The following TRIOBP variants were observed in gnomAD, a reference collection of about 807,000 sequenced individuals.
TRIOBP encodes TRIO and F-actin binding protein.
In TRIOBP, 169 loss-of-function variants were observed where a neutral mutation model predicts 238.8. The ratio of observed to expected loss-of-function variants is 0.71; its 90% CI spans 0.62 to 0.80. TRIOBP has a LOEUF of 0.80. Ranked by LOEUF, TRIOBP falls within the 30% of genes least tolerant of loss-of-function variation. The pLI, the probability that TRIOBP is intolerant of heterozygous loss-of-function variation, is 0.00. For synonymous variants in TRIOBP, 1,150 were observed against 1,274.4 expected (o/e 0.90, Z 2.08); for missense variants, 2,838 against 3,122.6 (o/e 0.91, Z 2.17).
chr22:37,755,361 G>A lies in TRIOBP; in HGVS notation c.5577+171G>A. On this transcript the variant is annotated intron_variant, in intron 14 of 23. Coordinates refer to ENST00000644935, the MANE Select transcript of TRIOBP (RefSeq NM_001039141.3). ...GTGATGCCAACACTTAGCATATCTG[G>A]GGGAGACGCTGGAGCCAGCAGGGCT... 12 of 918,122 alleles carry A rather than the reference G, an allele frequency of 1.3e-5. No individual in the cohort carries two copies. In the South Asian group the frequency reaches 1.6e-4, roughly 12 times the overall value. The allele number at this position is 918,122 out of a possible 1,614,324, so 56.9% of individuals were successfully genotyped here. A position where few individuals can be genotyped will look rare whatever the true frequency, so the allele number is the denominator to read the frequency against.
Position 37,725,865 on chromosome 22 carries a change from C to T in TRIOBP, c.3309C>T (p.His1103=), listed in dbSNP as rs199594270. The change falls in exon 7 of 24, where the codon CAC becomes CAT. Residue 1103 remains histidine, a synonymous_variant. Transcript: ENST00000644935. ...DAEHQCQSPQ[H]EPLQLPAPVC... ...AGCATCAGTGTCAGTCCCCCCAACACGAGCCCCTTCAGCTCCCTGCACCTG... is the reference window on the plus strand; with the variant it reads ...AGCATCAGTGTCAGTCCCCCCAACATGAGCCCCTTCAGCTCCCTGCACCTG... 1.0e-3 allele frequency: 1,687 copies of T among 1,613,136 alleles called. 2 individuals carry two copies. The highest frequency in any genetic ancestry group is 1.2e-3 in the Non-Finnish European group (1,465 of 1,179,748).
At chr22:37,709,028 C>T (rs1923095402) in intron 3 of TRIOBP, among the ~76,000 whole-genome samples, 1 of 152,210 alleles carries the variant, frequency 6.6e-6, no homozygotes, top group Non-Finnish European at 1.5e-5. Flanking sequence ...CCCTGGGTGG[C>T]CAAGGCGCCA....
At chr22:37,743,796 A>AATGTGTGTGTGT (rs1925056014) in intron 11 of TRIOBP, among the ~76,000 whole-genome samples, 1 of 114,980 alleles carries the variant, frequency 8.7e-6, no homozygotes, top group South Asian at 2.9e-4. Flanking sequence ...AGAAAGAGAG[A>AATGTGTGTGTGT]GAGAATGTGT....
At chr22:37,766,526 T>C (rs1053849357) in intron 18 of TRIOBP, among the ~76,000 whole-genome samples, 1 of 152,210 alleles carries the variant, frequency 6.6e-6, no homozygotes, top group Non-Finnish European at 1.5e-5. Context: ...AGAGACCCCT[T>C]CCCCCTCAGC....
chr22:37,736,285 C>CCTCT (rs149385642), intron 9 of TRIOBP, among the ~76,000 whole-genome samples: 3 of 151,412 alleles, frequency 2.0e-5, no homozygotes, highest in Non-Finnish European at 4.4e-5. Flanking sequence ...TGAACACCAG[C>CCTCT]CTCTCTCTCT....
At chr22:37,735,580 C>T (rs1444859404) in intron 9 of TRIOBP, 138 bp downstream of exon 9, 1 of 1,013,632 alleles carries the variant, frequency 9.9e-7, no homozygotes, top group Non-Finnish European at 1.5e-6. Context: ...TCCCTGCTGA[C>T]CACAACCCAT....
chr22:37,725,091 A>G lies in TRIOBP; in HGVS notation c.2535A>G (p.Arg845=), dbSNP rs764983150. ...KTSCTKRDNL[R]PTCTQRDRTQ... is the part of the protein sequence containing the mutation. ...CTTGTACCAAACGAGATAACCTCAGACCCACTTGTACACAGCGGGACCGCA... is the reference window on the plus strand; with the variant it reads ...CTTGTACCAAACGAGATAACCTCAGGCCCACTTGTACACAGCGGGACCGCA... Residue 845 remains arginine, a synonymous_variant, in exon 7 of 24, where the codon AGA becomes AGG. Transcript: ENST00000644935. 1 of 1,614,154 alleles carries G rather than the reference A, an allele frequency of 6.2e-7. No homozygotes were observed. The highest frequency in any genetic ancestry group is 8.5e-7 in the Non-Finnish European group (1 of 1,180,030).
chr22:37,756,637 G>A (rs945531708), intron 15 of TRIOBP, among the ~76,000 whole-genome samples: 19 of 152,202 alleles, frequency 1.2e-4, no homozygotes, highest in African/African-American at 1.7e-4. Flanking sequence ...GAACAGCCCC[G>A]AGGTATGCAG....
chr22:37,718,193 C>T (rs185987366), intron 6 of TRIOBP, among the ~76,000 whole-genome samples: 1,957 of 152,342 alleles, frequency 0.013, 15 homozygotes, highest in Non-Finnish European at 0.021. Flanking sequence ...AAGCGCCGCG[C>T]GCAGCCTCGG....
chr22:37,762,576 A>G (rs1377278935), intron 17 of TRIOBP, among the ~76,000 whole-genome samples: 2 of 152,212 alleles, frequency 1.3e-5, no homozygotes, highest in African/African-American at 4.8e-5. Context: ...TGGGTGCACC[A>G]AAGTCTGTCA....
chr22:37,751,662 A>G, intron 11 of TRIOBP, 110 bp from the exon 12 acceptor site: 1 of 1,288,936 alleles, frequency 7.8e-7, no homozygotes, highest in South Asian at 1.2e-5. Flanking sequence ...GCTTCCCAGG[A>G]GCTCGGTCCC....
At position 37,754,997 on chromosome 22, in the gene TRIOBP, G is replaced by A. The variant is rs759563843; in HGVS notation, c.5487+13G>A. ...CACTGCTGAGGAGGTGAGGCCATGG[G>A]TGTACTGATGAACCCCCGGAAGGGC... On this transcript the variant is annotated intron_variant, in intron 13 of 23. Transcript: ENST00000644935. The A allele has an allele frequency of 9.9e-6, 16 of 1,613,534 alleles. No individual in the cohort carries two copies. In the East Asian group the frequency reaches 3.3e-4, roughly 34 times the overall value.
At position 37,722,658 on chromosome 22, in the gene TRIOBP, C is replaced by T. The variant is rs189238394; in HGVS notation, c.629-527C>T. Among the ~76,000 whole-genome samples, 1,240 of 152,154 alleles carry T rather than the reference C, an allele frequency of 8.1e-3. 17 individuals carry two copies. Among genetic ancestry groups the T allele is most frequent in the African/African-American group, 0.028 (1,152 of 41,502 alleles). On this transcript the variant is annotated intron_variant, in intron 6 of 23. Transcript: ENST00000644935. ...AGGAGAATGGCTTGAACCTGGGAGG[C>T]GGAGGTTGCCATGAGCCGAGATCAC...
At position 37,725,958 on chromosome 22, in the gene TRIOBP, C is replaced by T; in HGVS notation, c.3402C>T (p.Leu1134=). ...CACGCCAGGCCCCAGAGCCTTCCCTCTTATTCCAGGACCTCCCCAGGGCCA... is the reference window on the plus strand; with the variant it reads ...CACGCCAGGCCCCAGAGCCTTCCCTTTTATTCCAGGACCTCCCCAGGGCCA... ...SPPRQAPEPS[L]LFQDLPRAST... is the part of the protein sequence containing the mutation. Residue 1134 remains leucine, a synonymous_variant, in exon 7 of 24, where the codon CTC becomes CTT. Coordinates refer to ENST00000644935, the MANE Select transcript of TRIOBP (RefSeq NM_001039141.3). The T allele has an allele frequency of 1.9e-6, 3 of 1,611,446 alleles. No individual in the cohort carries two copies. The highest frequency in any genetic ancestry group is 2.5e-6 in the Non-Finnish European group (3 of 1,179,282).
rs200112121 is a variant in TRIOBP, at chr22:37,713,336, C to T, written c.381C>T (p.Asn127=). Reference sequence around the variant, plus strand: ...CCACTTCCTTGTGTGGCAGCTGCAACGAGGACCCCGGCTCTGACCCCACCT... The same window carrying T: ...CCACTTCCTTGTGTGGCAGCTGCAATGAGGACCCCGGCTCTGACCCCACCT... The part of the protein sequence containing the change: ...GLTTSLCGSC[N]EDPGSDPTSS... The change falls in exon 5 of 24, where the codon AAC becomes AAT. Residue 127 remains asparagine, a synonymous_variant. Transcript: ENST00000644935. The T allele has an allele frequency of 1.0e-4, 168 of 1,613,990 alleles. No individual in the cohort carries two copies. The highest frequency in any genetic ancestry group is 3.5e-4 in the Admixed American group (21 of 60,004).
chr22:37,714,927 A>G (rs1275000074), intron 5 of TRIOBP, among the ~76,000 whole-genome samples: 1 of 151,872 alleles, frequency 6.6e-6, no homozygotes, highest in Admixed American at 6.6e-5. Context: ...CATGGAGCGG[A>G]GTCTACACCA....
intron 17 of TRIOBP, among the ~76,000 whole-genome samples, chr22:37,762,907 C>T (rs1029007120): frequency 6.6e-6 from 1 of 152,118 alleles, no homozygotes; most frequent in African/African-American, 2.4e-5. Context: ...ACCCACTGGA[C>T]ATCTGGTAAA....
At chr22:37,711,892 T>C (rs975283848) in intron 4 of TRIOBP, among the ~76,000 whole-genome samples, 32 of 152,154 alleles carry the variant, frequency 2.1e-4, no homozygotes, top group African/African-American at 7.5e-4. Flanking sequence ...CTTGAGCCTG[T>C]GACTTCTTTT....
At chr22:37,746,031 C>T (rs1435807962) in intron 11 of TRIOBP, among the ~76,000 whole-genome samples, 2 of 140,202 alleles carry the variant, frequency 1.4e-5, no homozygotes, top group Non-Finnish European at 3.2e-5. Context: ...TTCCCTGCGG[C>T]CCCATCCGCC....
Sources: gnomAD v4.1 joint callset for allele counts (sites outside exome capture counted in the v4.1 genomes callset) on GRCh38, gnomAD v4.1.1 for gene constraint, MANE v1.5 for transcripts, NCBI Gene and HGNC (gene_info 2026-07-23, HGNC 2026-07-21) for gene names.